The following TRABD2A variants were observed in gnomAD, a reference collection of about 807,000 sequenced individuals.
The protein encoded by TRABD2A is metalloprotease TIKI1.
A neutral mutation model predicts 45.6 loss-of-function variants in TRABD2A; 43 were observed. The observed-to-expected ratio is 0.94, with a 90% CI of 0.74 to 1.22. The LOEUF (loss-of-function observed/expected upper bound fraction) is 1.22. Among genes scored for constraint, TRABD2A ranks in the 50% most tolerant of loss-of-function variants. TRABD2A has a pLI of 0.00. For missense variants in TRABD2A, 642 were observed against 652.4 expected, an observed-to-expected ratio of 0.98 and a Z score of 0.17; for synonymous variants, 269 against 265.0, an observed-to-expected ratio of 1.02 and a Z score of -0.15.
chr2:84,869,553 C>T (rs1330214031), intron 2 of TRABD2A, among the ~76,000 whole-genome samples: 1 of 152,228 alleles, frequency 6.6e-6, no homozygotes, highest in Non-Finnish European at 1.5e-5. Context: ...AGACTGCTGT[C>T]TCCTAAAGTA....
chr2:84,821,712 T>C lies in TRABD2A; in HGVS notation c.*205A>G. 2.4e-6 allele frequency: 1 copy of C among 422,318 alleles called. No homozygotes were observed. The allele number at this position is 422,318 out of a possible 1,614,324, so 26.2% of individuals were successfully genotyped here. On this transcript the variant is annotated 3_prime_UTR_variant, in exon 7 of 7. Transcript: ENST00000409520. ...TATAATTTATTTTCACACAACTCAC[T>C]ATGTTACAAAACTGTACACCTGCCC...
chr2:84,838,970 G>A, intron 4 of TRABD2A, 179 bp downstream of exon 4: 1 of 637,964 alleles, frequency 1.6e-6, no homozygotes, highest in Non-Finnish European at 2.7e-6. Flanking sequence ...TTTCAACCAT[G>A]CTGGATGCTC....
chr2:84,879,374 GT>G (rs1277806188), intron 1 of TRABD2A, among the ~76,000 whole-genome samples: 1 of 152,020 alleles, frequency 6.6e-6, no homozygotes, highest in East Asian at 1.9e-4. Flanking sequence ...AGAGACAAGG[GT>G]CTCGCCATGT....
At chr2:84,840,489 C>T (rs558852798) in intron 3 of TRABD2A, among the ~76,000 whole-genome samples, 1 of 152,328 alleles carries the variant, frequency 6.6e-6, no homozygotes, top group Non-Finnish European at 1.5e-5. Context: ...GCCTGGCCCT[C>T]ACTCACAGTG....
rs1420271707 is a variant in TRABD2A, at chr2:84,870,564, G to T, written c.330C>A (p.Asn110Lys). The T allele has an allele frequency of 6.2e-7, 1 of 1,613,878 alleles. No individual in the cohort carries two copies. The part of the protein sequence containing the change: ...TSCQMLPQGE[N>K]LQDVLPRDIY... Reference sequence around the variant, plus strand: ...TGTCCCTGGGGAGCACATCTTGGAGGTTCTCGCCCTGTGGCAGCATCTGAC... The same window carrying T: ...TGTCCCTGGGGAGCACATCTTGGAGTTTCTCGCCCTGTGGCAGCATCTGAC... Residue 110 changes from asparagine (N) to lysine (K), a missense_variant, in exon 2 of 7, where the codon AAC becomes AAA. Coordinates refer to ENST00000409520, the MANE Select transcript of TRABD2A (RefSeq NM_001277053.2).
intron 2 of TRABD2A, among the ~76,000 whole-genome samples, chr2:84,869,096 A>G (rs1013779497): frequency 1.3e-5 from 2 of 152,212 alleles, no homozygotes; most frequent in Admixed American, 6.5e-5. Context: ...TTCCCTAAAG[A>G]TATCATTATC....
At chr2:84,859,155 G>A (rs888641968) in intron 2 of TRABD2A, among the ~76,000 whole-genome samples, 1 of 152,206 alleles carries the variant, frequency 6.6e-6, no homozygotes, top group Non-Finnish European at 1.5e-5. Context: ...TATTGTGTAA[G>A]CAGCATCTCT....
In TRABD2A at chr2:84,841,873, A is replaced by G; in HGVS notation, c.804T>C (p.His268=). ...AAAGGGTGCTCACCTGGGAGCTGTC[A>G]TGGCTGAGGATGACGGAGCTGAGGT... ...CGDLSSVILS[H]DSSQVPNFIN... is the part of the protein sequence containing the mutation. Residue 268 remains histidine (H), a synonymous_variant, in exon 3 of 7, where the codon CAT becomes CAC. Transcript: ENST00000409520. 1.3e-6 allele frequency: 2 copies of G among 1,536,426 alleles called. No homozygotes were observed. The highest frequency in any genetic ancestry group is 1.8e-6 in the Non-Finnish European group (2 of 1,141,834).
intron 1 of TRABD2A, among the ~76,000 whole-genome samples, chr2:84,871,549 C>G (rs1040250551): frequency 5.9e-5 from 9 of 151,870 alleles, no homozygotes. Context: ...TGGCGCAATC[C>G]TGGCTCACTT....
intron 3 of TRABD2A, among the ~76,000 whole-genome samples, chr2:84,840,684 T>C (rs75957233): frequency 0.031 from 4,648 of 152,258 alleles, 238 homozygotes; most frequent in African/African-American, 0.11. Flanking sequence ...AATTTCCCAA[T>C]TGATCTTGAC....
chr2:84,853,017 A>C (rs1173380568), intron 2 of TRABD2A, among the ~76,000 whole-genome samples: 1 of 152,060 alleles, frequency 6.6e-6, no homozygotes, highest in Non-Finnish European at 1.5e-5. Context: ...CCCAAAAGAT[A>C]TGTTCATCCT....
chr2:84,823,747 T>A (rs1681061915), intron 6 of TRABD2A, among the ~76,000 whole-genome samples: 1 of 152,222 alleles, frequency 6.6e-6, no homozygotes, highest in South Asian at 2.1e-4. Flanking sequence ...CATAAACATG[T>A]TGCCCTTGCC....
At chr2:84,834,584 A>G (rs1418888169) in intron 4 of TRABD2A, 2 of 152,404 alleles carry the variant, frequency 1.3e-5, no homozygotes, top group African/African-American at 2.4e-5. Context: ...CCACTAATCT[A>G]TGAATACTTT....
At chr2:84,846,276 A>C (rs1255738122) in intron 2 of TRABD2A, among the ~76,000 whole-genome samples, 1 of 152,180 alleles carries the variant, frequency 6.6e-6, no homozygotes, top group Non-Finnish European at 1.5e-5. Flanking sequence ...ATTTCCTGTA[A>C]TCACCACACG....
In TRABD2A at chr2:84,830,142, T is replaced by C. The variant is rs1681284439; in HGVS notation, c.1082+1913A>G. Among the ~76,000 whole-genome samples the C allele has an allele frequency of 6.6e-6, 1 of 152,040 alleles. No individual in the cohort carries two copies. Among genetic ancestry groups the C allele is most frequent in the Admixed American group, 6.6e-5 (1 of 15,266 alleles). ...GAGCTGAGAAGGGACCAGAGGCCAGTGAGGGAGGAAAGACCCACAGTCCTG... is the reference window on the plus strand; with the variant it reads ...GAGCTGAGAAGGGACCAGAGGCCAGCGAGGGAGGAAAGACCCACAGTCCTG... On this transcript the variant is annotated intron_variant, in intron 5 of 6. Coordinates refer to ENST00000409520, the MANE Select transcript of TRABD2A (RefSeq NM_001277053.2). This position sits in a 1 kb window ranked among gnomAD's most constrained non-coding sequence, Gnocchi z 4.9.
Position 84,823,851 on chromosome 2 carries a change from T to A in TRABD2A, c.1334+102A>T, listed in dbSNP as rs146396162. ...GGTCATGAGGAAAGGGAAAGGTTGCTCCATGAGGGGGGCTCCCATTGCAAC... is the reference window on the plus strand; with the variant it reads ...GGTCATGAGGAAAGGGAAAGGTTGCACCATGAGGGGGGCTCCCATTGCAAC... On this transcript the variant is annotated intron_variant, in intron 6 of 6. Transcript: ENST00000409520. 115 of 1,484,610 alleles carry A rather than the reference T, an allele frequency of 7.7e-5. No individual in the cohort carries two copies. The African/African-American group carries it at 1.4e-3, about 18-fold the overall frequency. 92.0% of individuals were successfully genotyped at this position (1,484,610 alleles called of 1,614,324 possible).
chr2:84,873,592 G>A (rs1682936945), intron 1 of TRABD2A, among the ~76,000 whole-genome samples: 1 of 152,174 alleles, frequency 6.6e-6, no homozygotes, highest in Non-Finnish European at 1.5e-5. Context: ...AAGAACGCCT[G>A]CTAAGGCGAA....
intron 2 of TRABD2A, among the ~76,000 whole-genome samples, chr2:84,854,219 A>G (rs1475711606): frequency 6.6e-6 from 1 of 152,178 alleles, no homozygotes; most frequent in Non-Finnish European, 1.5e-5. Flanking sequence ...TTATATCCAA[A>G]TGCAACTTGC....
chr2:84,868,848 TTC>T (rs1287537325), intron 2 of TRABD2A, among the ~76,000 whole-genome samples: 1 of 152,210 alleles, frequency 6.6e-6, no homozygotes, highest in East Asian at 1.9e-4. Flanking sequence ...TCAATAAGCC[TTC>T]AAATCAAAGC....
Sources: gnomAD v4.1 joint callset for allele counts (sites outside exome capture counted in the v4.1 genomes callset) on GRCh38, gnomAD v4.1.1 for gene constraint, Gnocchi (gnomAD v3.1) non-coding constraint, MANE v1.5 for transcripts, NCBI Gene and HGNC (gene_info 2026-07-23, HGNC 2026-07-21) for gene names.